The following WWP1 variants were observed in gnomAD, a reference collection of about 807,000 sequenced individuals.
WWP1 encodes WW domain containing E3 ubiquitin protein ligase 1.
In WWP1, 49 loss-of-function variants were observed where a neutral mutation model predicts 130.6. That is an observed-to-expected ratio of 0.38 (90% CI 0.30 to 0.48). The LOEUF (loss-of-function observed/expected upper bound fraction) is 0.48, where lower values mean the gene tolerates loss of function less well. WWP1 is among the 20% of genes least tolerant of loss of function. WWP1 has a pLI of 0.99. For synonymous variants in WWP1, 332 were observed against 367.8 expected (o/e 0.90, Z 1.11); for missense variants, 809 against 1,100.6 (o/e 0.74, Z 3.75).
intron 3 of WWP1, among the ~76,000 whole-genome samples, chr8:86,378,168 T>C (rs529281941): frequency 6.6e-6 from 1 of 152,286 alleles, no homozygotes; most frequent in South Asian, 2.1e-4. Context: ...TTTCTTTGGC[T>C]TTTATTTGAA....
chr8:86,368,024 A>G (rs1229380612), intron 1 of WWP1, among the ~76,000 whole-genome samples: 4 of 152,162 alleles, frequency 2.6e-5, no homozygotes, highest in Admixed American at 6.5e-5. Context: ...TTCTCTAACT[A>G]GCTGTCTATT....
chr8:86,448,001 A>G (rs1810977377), intron 18 of WWP1, 147 bp from the exon 19 acceptor site: 12 of 649,794 alleles, frequency 1.8e-5, no homozygotes, highest in Non-Finnish European at 2.9e-5. Context: ...AGCATTTTAT[A>G]TAATATTTTA....
At chr8:86,437,296 G>A (rs780980418) in intron 16 of WWP1, among the ~76,000 whole-genome samples, 28 of 152,142 alleles carry the variant, frequency 1.8e-4, no homozygotes, top group African/African-American at 5.1e-4. Context: ...TTTGGTATAC[G>A]TATTGTTTTT....
intron 7 of WWP1, among the ~76,000 whole-genome samples, chr8:86,400,767 T>A (rs529625416): frequency 2.4e-4 from 36 of 152,340 alleles, no homozygotes; most frequent in African/African-American, 8.2e-4. Context: ...AAATCGATTA[T>A]CTGCTGCAAA....
At chr8:86,408,068 C>G (rs186902409) in intron 8 of WWP1, among the ~76,000 whole-genome samples, 25 of 152,298 alleles carry the variant, frequency 1.6e-4, no homozygotes, top group African/African-American at 6.0e-4. Context: ...CCCTCAAACC[C>G]TTTGCAACAG....
intron 9 of WWP1, among the ~76,000 whole-genome samples, chr8:86,420,781 A>G (rs564820772): frequency 6.6e-6 from 1 of 152,346 alleles, no homozygotes; most frequent in South Asian, 2.1e-4. Flanking sequence ...ATATAATTAT[A>G]TAGCTATGAA....
In WWP1 at chr8:86,452,560, T is replaced by G; in HGVS notation, c.2275T>G (p.Leu759Val). ...TEENKDEYIG[L>V]MTEWRFSRGV... is the part of the protein sequence containing the mutation. ...TTTAAATACCATCTTTATTTTCAGT[T>G]TAATGACAGAATGGCGTTTTTCTCG... is the stretch of plus-strand genomic sequence containing the variant. The change falls in exon 21 of 25, where the codon TTA (leucine) becomes GTA (valine). Residue 759 changes from leucine to valine, a missense_variant and splice_region_variant. By Grantham distance (32) the Leu-to-Val change is conservative. This residue lies in a region of WWP1 where 450 missense variants were observed against 674.2 expected (regional missense o/e 0.67). Transcript: ENST00000517970. The G allele has an allele frequency of 1.3e-6, 2 of 1,599,776 alleles. No homozygotes were observed. The highest frequency in any genetic ancestry group is 1.7e-6 in the Non-Finnish European group (2 of 1,175,550).
chr8:86,366,602 G>A (rs985578498), intron 1 of WWP1, among the ~76,000 whole-genome samples: 6 of 152,036 alleles, frequency 3.9e-5, no homozygotes, highest in Non-Finnish European at 8.8e-5. Flanking sequence ...AGGTCACATG[G>A]AAATGAAAAA....
At position 86,439,743 on chromosome 8, in the gene WWP1, T is replaced by G. The variant is rs562923614; in HGVS notation, c.1838+1070T>G. Reference sequence around the variant, plus strand: ...GTGGAAAATCCTTTTATTTTTCAATTTTGTCCCTTATTTGTTCTGCCCCAG... The same window carrying G: ...GTGGAAAATCCTTTTATTTTTCAATGTTGTCCCTTATTTGTTCTGCCCCAG... On this transcript the variant is annotated intron_variant, in intron 17 of 24. Coordinates refer to ENST00000517970, the MANE Select transcript of WWP1 (RefSeq NM_007013.4). Among the ~76,000 whole-genome samples, 3 of 152,338 alleles carry G rather than the reference T, an allele frequency of 2.0e-5. No individual in the cohort carries two copies. In the East Asian group the frequency reaches 5.8e-4, roughly 29 times the overall value.
chr8:86,424,179 G>A (rs1264695330), intron 9 of WWP1, among the ~76,000 whole-genome samples: 5 of 151,534 alleles, frequency 3.3e-5, no homozygotes, highest in East Asian at 2.0e-4. Context: ...GTCACGGCTC[G>A]GCAGAGGCGC....
intron 8 of WWP1, among the ~76,000 whole-genome samples, chr8:86,404,359 G>A (rs1046034780): frequency 6.6e-6 from 1 of 152,158 alleles, no homozygotes; most frequent in Non-Finnish European, 1.5e-5. Context: ...CTAATTAGTT[G>A]TATGTTTTGG....
In WWP1 at chr8:86,461,926, C is replaced by A; in HGVS notation, c.2669+80C>A. The A allele has an allele frequency of 2.7e-6, 3 of 1,124,744 alleles. No individual in the cohort carries two copies. The Admixed American group carries it at 5.7e-5, about 22-fold the overall frequency. 69.7% of individuals were successfully genotyped at this position (1,124,744 alleles called of 1,614,324 possible). A position where few individuals can be genotyped will look rare whatever the true frequency, so the allele number is the denominator to read the frequency against. On this transcript the variant is annotated intron_variant, in intron 24 of 24. Transcript: ENST00000517970. ...TGTTTTTTTAAAAATATGTAAGATCCAGTATAACTGCTTATTCATTAAAGT... is the reference window on the plus strand; with the variant it reads ...TGTTTTTTTAAAAATATGTAAGATCAAGTATAACTGCTTATTCATTAAAGT...
chr8:86,362,031 C>CACACATATAT (rs1823651746), intron 1 of WWP1, among the ~76,000 whole-genome samples: 2 of 126,824 alleles, frequency 1.6e-5, no homozygotes, highest in Non-Finnish European at 3.3e-5. Flanking sequence ...CATATATATA[C>CACACATATAT]ACACACATAT....
chr8:86,401,332 G>A (rs1807966500), intron 7 of WWP1, among the ~76,000 whole-genome samples: 1 of 151,990 alleles, frequency 6.6e-6, no homozygotes, highest in African/African-American at 2.4e-5. Context: ...GGTCAAGATG[G>A]GAGGATCGCT....
intron 8 of WWP1, among the ~76,000 whole-genome samples, chr8:86,402,668 T>C (rs1808058512): frequency 6.6e-6 from 1 of 152,220 alleles, no homozygotes; most frequent in Non-Finnish European, 1.5e-5. Context: ...TCCTAATAAT[T>C]TGTAACTTTC....
chr8:86,368,515 A>G lies in WWP1; in HGVS notation c.-114-424A>G, dbSNP rs147893584. Among the ~76,000 whole-genome samples the G allele has an allele frequency of 1.3e-3, 198 of 152,232 alleles. 2 individuals are homozygous for G. Among genetic ancestry groups the G allele is most frequent in the Middle Eastern group, 6.8e-3 (2 of 294 alleles). On this transcript the variant is annotated intron_variant, in intron 1 of 24. Coordinates refer to ENST00000517970, the MANE Select transcript of WWP1 (RefSeq NM_007013.4). ...ATGCTCTAGTTCAGATAAGCTCACTATCTTAAATCTAACCCCCAGAGCTTC... is the reference window on the plus strand; with the variant it reads ...ATGCTCTAGTTCAGATAAGCTCACTGTCTTAAATCTAACCCCCAGAGCTTC...
chr8:86,392,518 A>G (rs1386369938), intron 5 of WWP1, among the ~76,000 whole-genome samples: 3 of 152,208 alleles, frequency 2.0e-5, no homozygotes, highest in African/African-American at 7.2e-5. Context: ...GCATTTTGAA[A>G]TCCATTAAGT....
chr8:86,383,671 A>G (rs548705185), intron 5 of WWP1, among the ~76,000 whole-genome samples: 2 of 152,236 alleles, frequency 1.3e-5, no homozygotes, highest in East Asian at 1.9e-4. Context: ...GAACTGGGAG[A>G]CGGAGGTTGC....
chr8:86,464,916 C>CGT (rs1407733203), intron 24 of WWP1, among the ~76,000 whole-genome samples: 4 of 137,936 alleles, frequency 2.9e-5, no homozygotes, highest in African/African-American at 1.0e-4. Flanking sequence ...CACACATGCG[C>CGT]GCGCGTGTGT....
Sources: gnomAD v4.1 joint callset for allele counts (sites outside exome capture counted in the v4.1 genomes callset) on GRCh38, gnomAD v4.1.1 for gene constraint, gnomAD v4.1.1 regional missense constraint, MANE v1.5 for transcripts, NCBI Gene and HGNC (gene_info 2026-07-23, HGNC 2026-07-21) for gene names.